ARHGEF7: variants seen among roughly 807,000 people sequenced by gnomAD.
The protein encoded by ARHGEF7 is Rho guanine nucleotide exchange factor 7, also known as PAK-interacting exchange factor beta.
Under a neutral mutation model 109.8 loss-of-function variants are expected in ARHGEF7, and 33 were observed. The ratio of observed to expected loss-of-function variants is 0.30; its 90% CI spans 0.23 to 0.40. The LOEUF (loss-of-function observed/expected upper bound fraction) is 0.40. ARHGEF7 is among the 10% of genes least tolerant of loss of function. The pLI is 1.00. For missense variants in ARHGEF7, 938 were observed against 1,098.5 expected, an observed-to-expected ratio of 0.85 and a Z score of 2.07; for synonymous variants, 458 against 424.6, an observed-to-expected ratio of 1.08 and a Z score of -0.97.
intron 2 of ARHGEF7, among the ~76,000 whole-genome samples, chr13:111,186,417 G>A (rs2079261932): frequency 6.6e-6 from 1 of 152,208 alleles, no homozygotes; most frequent in Non-Finnish European, 1.5e-5. Context: ...TTGGGTGAAA[G>A]TGCCGTAATT....
At chr13:111,238,741 A>G (rs1284418371) in intron 6 of ARHGEF7, among the ~76,000 whole-genome samples, 1 of 151,408 alleles carries the variant, frequency 6.6e-6, no homozygotes, top group African/African-American at 2.4e-5. Flanking sequence ...TCTCGGGGGG[A>G]TGAGGAGCAC....
At chr13:111,276,954 T>A (rs970138580) in intron 12 of ARHGEF7, among the ~76,000 whole-genome samples, 2 of 152,220 alleles carry the variant, frequency 1.3e-5, no homozygotes, top group Non-Finnish European at 2.9e-5. Flanking sequence ...TTTATCTTAC[T>A]GAAGCAAATG....
intron 5 of ARHGEF7, among the ~76,000 whole-genome samples, chr13:111,230,720 A>G (rs7331778): frequency 0.47 from 71,884 of 152,070 alleles, 17,511 homozygotes; most frequent in South Asian, 0.57. Flanking sequence ...GGCACACTTC[A>G]GCAGTGCCCT....
At chr13:111,123,207 A>G (rs781190207) in intron 1 of ARHGEF7, among the ~76,000 whole-genome samples, 4 of 152,194 alleles carry the variant, frequency 2.6e-5, no homozygotes, top group Non-Finnish European at 4.4e-5. Flanking sequence ...AAAGGCTTGC[A>G]CTTTTCTGCA....
At chr13:111,216,253 T>TC (rs1190276255) in intron 4 of ARHGEF7, among the ~76,000 whole-genome samples, 1 of 152,030 alleles carries the variant, frequency 6.6e-6, no homozygotes, top group Non-Finnish European at 1.5e-5. Flanking sequence ...TTCCCACAAG[T>TC]CCCTGGGACT....
chr13:111,207,037 C>A (rs1316771425), intron 3 of ARHGEF7, among the ~76,000 whole-genome samples: 1 of 148,060 alleles, frequency 6.8e-6, no homozygotes, highest in Admixed American at 6.7e-5. Flanking sequence ...AAAGGACATA[C>A]ATTTAGAGTG....
At chr13:111,135,881 C>T (rs375248282) in intron 1 of ARHGEF7, among the ~76,000 whole-genome samples, 30 of 152,022 alleles carry the variant, frequency 2.0e-4, no homozygotes, top group South Asian at 6.2e-4. Flanking sequence ...GCCAGTTTTC[C>T]AAGGGAATGC....
chr13:111,285,593 C>T (rs949194459), intron 16 of ARHGEF7, among the ~76,000 whole-genome samples: 5 of 152,180 alleles, frequency 3.3e-5, no homozygotes, highest in African/African-American at 1.2e-4. Context: ...TGCACAGCAG[C>T]CCTGGCCGAG....
At chr13:111,238,717 G>C (rs1031954494) in intron 6 of ARHGEF7, among the ~76,000 whole-genome samples, 4 of 151,952 alleles carry the variant, frequency 2.6e-5, no homozygotes, top group African/African-American at 4.8e-5. Flanking sequence ...AGAGAATGAT[G>C]GTCTGGAGTT....
intron 8 of ARHGEF7, among the ~76,000 whole-genome samples, chr13:111,261,544 G>C (rs908367469): frequency 1.3e-5 from 2 of 152,170 alleles, no homozygotes; most frequent in African/African-American, 4.8e-5. Context: ...GCACTGGACA[G>C]ATCTTTGATA....
chr13:111,260,148 T>C (rs532352470), intron 8 of ARHGEF7, among the ~76,000 whole-genome samples: 4 of 152,306 alleles, frequency 2.6e-5, no homozygotes, highest in South Asian at 2.1e-4. Context: ...CCAGGAGTTA[T>C]TGGCCTTAAG....
intron 8 of ARHGEF7, among the ~76,000 whole-genome samples, chr13:111,254,610 G>A (rs1312376021): frequency 6.7e-6 from 1 of 148,260 alleles, no homozygotes; most frequent in African/African-American, 2.5e-5. Context: ...GGGCTAAGGC[G>A]CTGAGTCGCT....
At chr13:111,177,915 A>G (rs933929451) in intron 2 of ARHGEF7, among the ~76,000 whole-genome samples, 1 of 152,204 alleles carries the variant, frequency 6.6e-6, no homozygotes, top group Non-Finnish European at 1.5e-5. Flanking sequence ...GTGAGTGGGA[A>G]CAGTGAAGCT....
At chr13:111,221,472 T>TATATAG (rs2084195412) in intron 5 of ARHGEF7, among the ~76,000 whole-genome samples, 1 of 94,660 alleles carries the variant, frequency 1.1e-5, no homozygotes, top group Non-Finnish European at 2.0e-5. Context: ...TAGACATCTA[T>TATATAG]ATATATAGAT....
At chr13:111,286,023 C>T (rs140248178) in intron 16 of ARHGEF7, 124 bp from the exon 17 acceptor site, 34 of 665,454 alleles carry the variant, frequency 5.1e-5, no homozygotes, top group Middle Eastern at 2.9e-4. Flanking sequence ...TAGGAAAAGG[C>T]GAGAAGCTCT....
At chr13:111,227,241 T>C (rs904989153) in intron 5 of ARHGEF7, among the ~76,000 whole-genome samples, 2 of 152,242 alleles carry the variant, frequency 1.3e-5, no homozygotes, top group South Asian at 2.1e-4. Flanking sequence ...TTTGAGAAGA[T>C]TGACTCTTAA....
At chr13:111,157,952 CTTGTT>C (rs1213568828) in intron 2 of ARHGEF7, among the ~76,000 whole-genome samples, 1 of 152,154 alleles carries the variant, frequency 6.6e-6, no homozygotes, top group Admixed American at 6.5e-5. Flanking sequence ...TAGGAGAAAG[CTTGTT>C]TGGTTAAAGC....
chr13:111,215,398 G>A (rs573066337), intron 4 of ARHGEF7, among the ~76,000 whole-genome samples: 13 of 151,540 alleles, frequency 8.6e-5, no homozygotes, highest in African/African-American at 2.2e-4. Context: ...CTTAATTTGG[G>A]GTGATATCAA....
chr13:111,168,808 G>T (rs899083318), intron 2 of ARHGEF7, among the ~76,000 whole-genome samples: 5 of 152,218 alleles, frequency 3.3e-5, no homozygotes, highest in Non-Finnish European at 7.3e-5. Context: ...AGAAAGTGAT[G>T]CTGTGTTGAG....
Sources: gnomAD v4.1 joint callset for allele counts (sites outside exome capture counted in the v4.1 genomes callset) on GRCh38, gnomAD v4.1.1 for gene constraint, MANE v1.5 for transcripts, NCBI Gene and HGNC (gene_info 2026-07-23, HGNC 2026-07-21) for gene names.